Variants in GUCY1B1 observed in about 807,000 individuals in gnomAD.
The protein encoded by GUCY1B1 is guanylate cyclase soluble subunit beta-1.
GUCY1B1 carries 43 observed loss-of-function variants against 71.0 expected under a neutral mutation model. That is an observed-to-expected ratio of 0.61 (90% CI 0.47 to 0.78). The LOEUF is 0.78. Among genes scored for constraint, GUCY1B1 ranks in the 30% least tolerant of loss-of-function variants. The probability of loss-of-function intolerance (pLI) is 0.00; values close to 1 mark genes in which losing one functional copy is unlikely to be tolerated. For synonymous variants in GUCY1B1, 266 were observed against 259.7 expected, an observed-to-expected ratio of 1.02 and a Z score of -0.23; for missense variants, 535 against 754.1, an observed-to-expected ratio of 0.71 and a Z score of 3.40.
chr4:155,765,792 G>T (rs192516756), intron 2 of GUCY1B1, among the ~76,000 whole-genome samples: 99 of 152,130 alleles, frequency 6.5e-4, no homozygotes, highest in African/African-American at 2.1e-3. Context: ...CAGCCATACC[G>T]AGCCTTAAAT....
chr4:155,777,738 G>T, intron 4 of GUCY1B1, 96 bp downstream of exon 4: 1 of 618,518 alleles, frequency 1.6e-6, no homozygotes, highest in Admixed American at 2.7e-5. Context: ...GTACAAGAGT[G>T]TCTTGCTTCT....
intron 4 of GUCY1B1, among the ~76,000 whole-genome samples, chr4:155,782,998 G>A (rs1052249688): frequency 2.6e-5 from 4 of 152,140 alleles, no homozygotes; most frequent in Non-Finnish European, 5.9e-5. Context: ...ATCTGATTCC[G>A]TCCCAAGGGT....
At chr4:155,775,385 C>T (rs985192056) in intron 3 of GUCY1B1, among the ~76,000 whole-genome samples, 4 of 152,180 alleles carry the variant, frequency 2.6e-5, no homozygotes, top group African/African-American at 4.8e-5. Flanking sequence ...CTCTGCCTGC[C>T]AGGCTCAAGT....
At chr4:155,764,697 A>G (rs1184246759) in intron 2 of GUCY1B1, among the ~76,000 whole-genome samples, 1 of 152,232 alleles carries the variant, frequency 6.6e-6, no homozygotes, top group Non-Finnish European at 1.5e-5. Context: ...TTAGCCTGAA[A>G]TACAGAGGAA....
At chr4:155,792,477 A>C (rs959969245) in intron 5 of GUCY1B1, among the ~76,000 whole-genome samples, 7 of 152,144 alleles carry the variant, frequency 4.6e-5, no homozygotes, top group Non-Finnish European at 1.0e-4. Flanking sequence ...CAAATTATAA[A>C]TAAGGATACT....
At chr4:155,796,133 A>G (rs1370458778) in intron 7 of GUCY1B1, among the ~76,000 whole-genome samples, 1 of 152,202 alleles carries the variant, frequency 6.6e-6, no homozygotes, top group Non-Finnish European at 1.5e-5. Context: ...GCTTGAAATA[A>G]TTATGTGAAG....
intron 2 of GUCY1B1, among the ~76,000 whole-genome samples, chr4:155,766,381 T>C (rs936601968): frequency 6.6e-6 from 1 of 152,182 alleles, no homozygotes; most frequent in Non-Finnish European, 1.5e-5. Context: ...TGTGAAATAA[T>C]CACTGTAATC....
chr4:155,762,334 T>C (rs1166420002), intron 2 of GUCY1B1, among the ~76,000 whole-genome samples: 3 of 108,848 alleles, frequency 2.8e-5, no homozygotes, highest in Non-Finnish European at 6.9e-5. Context: ...AGGAAAAACA[T>C]TTTTTTTTGT....
At chr4:155,791,081 G>C (rs571596487) in intron 5 of GUCY1B1, among the ~76,000 whole-genome samples, 1 of 151,806 alleles carries the variant, frequency 6.6e-6, no homozygotes, top group South Asian at 2.1e-4. Context: ...AATCTCACTG[G>C]TATTCAATCA....
In GUCY1B1 at chr4:155,796,480, C is replaced by A; in HGVS notation, c.947C>A (p.Ala316Glu). Residue 316 changes from alanine (A) to glutamate (E), a missense_variant, in exon 8 of 14, where the codon GCA (alanine) becomes GAA (glutamate). Coordinates refer to ENST00000264424, the MANE Select transcript of GUCY1B1 (RefSeq NM_000857.5). ...GGTCAAATGATCTACTTACCTGAAG[C>A]AGATAGCATACTTTTTCTATGTTCA... ...LKGQMIYLPE[A>E]DSILFLCSPS... 1.2e-6 allele frequency: 2 copies of A among 1,609,202 alleles called. No homozygotes were observed. Among genetic ancestry groups the A allele is most frequent in the Non-Finnish European group, 1.7e-6 (2 of 1,175,724 alleles).
intron 11 of GUCY1B1, among the ~76,000 whole-genome samples, chr4:155,804,232 A>C (rs1740155191): frequency 6.6e-6 from 1 of 152,164 alleles, no homozygotes; most frequent in Non-Finnish European, 1.5e-5. Flanking sequence ...TCTGTAATAT[A>C]AAGTAAGCAA....
Position 155,786,271 on chromosome 4 carries a change from C to CTTTT in GUCY1B1, c.298-3426_298-3423dup, listed in dbSNP as rs33996424. On this transcript the variant is annotated intron_variant, in intron 4 of 13. Coordinates refer to ENST00000264424, the MANE Select transcript of GUCY1B1 (RefSeq NM_000857.5). Reference sequence around the variant, plus strand: ...TGAAGTTATTGTTTGGTTCAATTTCCTTTTTTTTTTTTTTTTTTTTGAGGC... The same window carrying CTTTT: ...TGAAGTTATTGTTTGGTTCAATTTCCTTTTTTTTTTTTTTTTTTTTTTTTGAGGC... 3.8e-4 allele frequency among the ~76,000 whole-genome samples: 47 copies of CTTTT among 123,788 alleles called. 1 individual carries two copies. Among genetic ancestry groups the CTTTT allele is most frequent in the African/African-American group, 6.5e-4 (20 of 30,700 alleles). The allele number at this position is 123,788 out of a possible 152,430, so 81.2% of individuals were successfully genotyped here.
chr4:155,799,838 A>G, intron 8 of GUCY1B1, 39 bp from the exon 9 acceptor site: 1 of 1,226,102 alleles, frequency 8.2e-7, no homozygotes, highest in Non-Finnish European at 1.2e-6. Flanking sequence ...TCATGTATAT[A>G]AGTTGAGACT....
At chr4:155,793,352 C>T (rs1739314188) in intron 5 of GUCY1B1, among the ~76,000 whole-genome samples, 1 of 152,168 alleles carries the variant, frequency 6.6e-6, no homozygotes, top group African/African-American at 2.4e-5. Context: ...GCTAGGATTA[C>T]AGGCGTGAGC....
chr4:155,776,918 A>G (rs1371546816), intron 3 of GUCY1B1, among the ~76,000 whole-genome samples: 1 of 152,212 alleles, frequency 6.6e-6, no homozygotes, highest in Non-Finnish European at 1.5e-5. Context: ...AAAATTAAGT[A>G]CAGGGTGAGT....
chr4:155,769,150 A>T (rs886881720), intron 2 of GUCY1B1, among the ~76,000 whole-genome samples: 1 of 152,070 alleles, frequency 6.6e-6, no homozygotes, highest in Non-Finnish European at 1.5e-5. Flanking sequence ...AGATTTTTGC[A>T]TAGGTTAATT....
chr4:155,767,854 A>G (rs1215044526), intron 2 of GUCY1B1, among the ~76,000 whole-genome samples: 2 of 151,994 alleles, frequency 1.3e-5, no homozygotes, highest in East Asian at 3.9e-4. Flanking sequence ...TTTAGATGTT[A>G]TATATAGTTA....
Position 155,806,656 on chromosome 4 carries a change from A to G in GUCY1B1, c.*247A>G. 1 of 411,292 alleles carries G rather than the reference A, an allele frequency of 2.4e-6. No homozygotes were observed. Among genetic ancestry groups the G allele is most frequent in the Non-Finnish European group, 4.3e-6 (1 of 231,272 alleles). 25.5% of individuals were successfully genotyped at this position (411,292 alleles called of 1,614,324 possible). A position where few individuals can be genotyped will look rare whatever the true frequency, so the allele number is the denominator to read the frequency against. On this transcript the variant is annotated 3_prime_UTR_variant, in exon 14 of 14. Coordinates refer to ENST00000264424, the MANE Select transcript of GUCY1B1 (RefSeq NM_000857.5). ...TTTTGATGTGGATGATGTGAGCTTC[A>G]TGTGTCTTAAAATCTACTACAAGCA...
chr4:155,800,160 G>T (rs1466136305), intron 9 of GUCY1B1, 86 bp downstream of exon 9: 7 of 843,910 alleles, frequency 8.3e-6, no homozygotes, highest in Non-Finnish European at 1.3e-5. Flanking sequence ...AGACTAAAAA[G>T]CCATGTGACC....
Sources: gnomAD v4.1 joint callset for allele counts (sites outside exome capture counted in the v4.1 genomes callset) on GRCh38, gnomAD v4.1.1 for gene constraint, MANE v1.5 for transcripts, NCBI Gene and HGNC (gene_info 2026-07-23, HGNC 2026-07-21) for gene names.